Variants in BNC2 observed in about 807,000 individuals in gnomAD.
The protein encoded by BNC2 is zinc finger protein basonuclin-2.
Under a neutral mutation model 76.3 loss-of-function variants are expected in BNC2, and 20 were observed. The observed-to-expected ratio is 0.26, with a 90% CI of 0.18 to 0.38. BNC2 has a LOEUF of 0.38. Ranked by LOEUF, BNC2 falls within the 10% of genes least tolerant of loss-of-function variation. The probability of loss-of-function intolerance (pLI) is 1.00; values close to 1 mark genes in which losing one functional copy is unlikely to be tolerated. For missense variants in BNC2, 1,382 were observed against 1,399.8 expected, an observed-to-expected ratio of 0.99 and a Z score of 0.20; for synonymous variants, 582 against 514.8, an observed-to-expected ratio of 1.13 and a Z score of -1.77.
At chr9:16,786,874 C>A (rs1826309192) in intron 1 of BNC2, among the ~76,000 whole-genome samples, 1 of 152,176 alleles carries the variant, frequency 6.6e-6, no homozygotes, top group African/African-American at 2.4e-5. Context: ...TCCCAAAACT[C>A]ACCCCAAACC....
intron 1 of BNC2, among the ~76,000 whole-genome samples, chr9:16,799,795 T>A (rs901973809): frequency 1.3e-5 from 2 of 152,116 alleles, no homozygotes; most frequent in Admixed American, 1.3e-4. Flanking sequence ...TAATCTATAG[T>A]GAATATAAGC....
At chr9:16,463,756 C>T (rs1185821658) in intron 5 of BNC2, among the ~76,000 whole-genome samples, 3 of 151,980 alleles carry the variant, frequency 2.0e-5, no homozygotes, top group Non-Finnish European at 4.4e-5. Flanking sequence ...AAATTCACAA[C>T]TGAAAAAGAC....
At chr9:16,676,752 A>G (rs77733120) in intron 3 of BNC2, among the ~76,000 whole-genome samples, 2,007 of 152,360 alleles carry the variant, frequency 0.013, 51 homozygotes, top group African/African-American at 0.045. Flanking sequence ...GAAAATATGT[A>G]GGGGCATCCA....
intron 1 of BNC2, among the ~76,000 whole-genome samples, chr9:16,771,296 G>T (rs149187893): frequency 4.4e-4 from 67 of 152,282 alleles, no homozygotes; most frequent in African/African-American, 1.6e-3. Flanking sequence ...AGACTGATAG[G>T]CTTACAACCC....
Position 16,419,230 on chromosome 9 carries a change from G to A in BNC2, c.3059C>T (p.Ser1020Leu). 6.2e-7 allele frequency: 1 copy of A among 1,614,204 alleles called. No homozygotes were observed. Among genetic ancestry groups the A allele is most frequent in the Non-Finnish European group, 8.5e-7 (1 of 1,180,034 alleles). ...CAAGCTGCTGAACATAAGAGATCCT[G>A]AAACTTCAGCCCCTAGGCTGCCAGG... ...ALPGSLGAEV[S>L]GSLMFSSLSG... is the part of the protein sequence containing the mutation. Residue 1020 changes from serine (S) to leucine (L), a missense_variant, in exon 7 of 7, where the codon TCA (serine) becomes TTA (leucine). This residue lies in a region of BNC2 where 798 missense variants were observed against 775.5 expected (regional missense o/e 1.03). Coordinates refer to ENST00000380672, the MANE Select transcript of BNC2 (RefSeq NM_017637.6).
intron 1 of BNC2, among the ~76,000 whole-genome samples, chr9:16,765,063 T>A (rs1367789974): frequency 6.6e-6 from 1 of 152,202 alleles, no homozygotes; most frequent in Admixed American, 6.5e-5. Flanking sequence ...AAGTAACAAC[T>A]CTTTAGAGTC....
chr9:16,812,940 G>A (rs1818088508), intron 1 of BNC2, among the ~76,000 whole-genome samples: 1 of 152,172 alleles, frequency 6.6e-6, no homozygotes, highest in Non-Finnish European at 1.5e-5. Context: ...CGGGCGCGGT[G>A]GCTCACGTCT....
chr9:16,870,552 C>A (rs1435283945), intron 1 of BNC2, 94 bp downstream of exon 1: 6 of 1,458,106 alleles, frequency 4.1e-6, no homozygotes, highest in Non-Finnish European at 5.6e-6. Context: ...GGAGGGCGGA[C>A]ACGGCCCCCG....
chr9:16,573,576 T>C (rs573762757), intron 4 of BNC2, among the ~76,000 whole-genome samples: 103 of 152,282 alleles, frequency 6.8e-4, no homozygotes, highest in African/African-American at 2.4e-3. Context: ...GGCCCAAGAC[T>C]GTCCTTTCAA....
At chr9:16,723,126 AT>A (rs1824212620) in intron 3 of BNC2, among the ~76,000 whole-genome samples, 1 of 152,198 alleles carries the variant, frequency 6.6e-6, no homozygotes, top group Non-Finnish European at 1.5e-5. Context: ...TTATTTTAGC[AT>A]TAAGACCACA....
chr9:16,724,788 A>C (rs1380501977), intron 3 of BNC2, among the ~76,000 whole-genome samples: 1 of 152,082 alleles, frequency 6.6e-6, no homozygotes, highest in Non-Finnish European at 1.5e-5. Context: ...TAGATTATTA[A>C]ATTTCAGTAT....
rs184467609 is a variant in BNC2, at chr9:16,618,174, C to A, written c.331-35089G>T. Among the ~76,000 whole-genome samples the A allele has an allele frequency of 3.3e-5, 5 of 152,288 alleles. No homozygotes were observed. The East Asian group carries it at 5.8e-4, about 18-fold the overall frequency. On this transcript the variant is annotated intron_variant, in intron 3 of 6. Coordinates refer to ENST00000380672, the MANE Select transcript of BNC2 (RefSeq NM_017637.6). The stretch of plus-strand genomic sequence containing the variant: ...CTCAGTGAGGCCAGTGCCTTGGGGA[C>A]TGGTTGGCTACACTGGCTCTGTGAC...
chr9:16,423,616 A>T (rs1159071875), intron 6 of BNC2, among the ~76,000 whole-genome samples: 1 of 152,232 alleles, frequency 6.6e-6, no homozygotes. Flanking sequence ...ATGAGTCTTC[A>T]AAAAGTATTT....
chr9:16,853,795 G>A (rs1436910709), intron 1 of BNC2, among the ~76,000 whole-genome samples: 1 of 152,140 alleles, frequency 6.6e-6, no homozygotes, highest in Non-Finnish European at 1.5e-5. Context: ...TTGAACCTGG[G>A]AGACAGAGGT....
intron 3 of BNC2, among the ~76,000 whole-genome samples, chr9:16,679,527 C>A (rs955266459): frequency 2.6e-5 from 4 of 152,186 alleles, no homozygotes; most frequent in African/African-American, 9.7e-5. Context: ...CTCATTTATT[C>A]CTGATGGTTT....
chr9:16,809,720 G>A (rs1818000017), intron 1 of BNC2, among the ~76,000 whole-genome samples: 1 of 152,086 alleles, frequency 6.6e-6, no homozygotes, highest in Admixed American at 6.5e-5. Flanking sequence ...AGAGGATGCA[G>A]TGAGCTGAGA....
intron 6 of BNC2, among the ~76,000 whole-genome samples, chr9:16,426,323 A>AG (rs1820803338): frequency 7.4e-6 from 1 of 134,574 alleles, no homozygotes; most frequent in South Asian, 2.6e-4. Flanking sequence ...CACCATGCCC[A>AG]GCTTTTTTTT....
chr9:16,826,545 T>A (rs1818457770), intron 1 of BNC2, among the ~76,000 whole-genome samples: 1 of 152,294 alleles, frequency 6.6e-6, no homozygotes, highest in South Asian at 2.1e-4. Flanking sequence ...TATTCTTGGG[T>A]ATAATAAATG....
Position 16,418,647 on chromosome 9 carries a change from C to G in BNC2, c.*342G>C, listed in dbSNP as rs72715001. 1.7e-3 allele frequency: 356 copies of G among 210,954 alleles called. No homozygotes were observed. The highest frequency in any genetic ancestry group is 2.5e-3 in the Non-Finnish European group (277 of 109,010). The allele number at this position is 210,954 out of a possible 1,614,324, so 13.1% of individuals were successfully genotyped here. A position where few individuals can be genotyped will look rare whatever the true frequency, so the allele number is the denominator to read the frequency against. Reference sequence around the variant, plus strand: ...AAGACCAAGAATTATTCTGTCAAAACTGGGGCTAGTTGCACACTGTGTGTG... The same window carrying G: ...AAGACCAAGAATTATTCTGTCAAAAGTGGGGCTAGTTGCACACTGTGTGTG... On this transcript the variant is annotated 3_prime_UTR_variant, in exon 7 of 7. Transcript: ENST00000380672.
Sources: gnomAD v4.1 joint callset for allele counts (sites outside exome capture counted in the v4.1 genomes callset) on GRCh38, gnomAD v4.1.1 for gene constraint, gnomAD v4.1.1 regional missense constraint, MANE v1.5 for transcripts, NCBI Gene and HGNC (gene_info 2026-07-23, HGNC 2026-07-21) for gene names.